Variants in SUN3 observed in about 807,000 individuals in gnomAD.
SUN3 encodes the protein Sad1 and UNC84 domain containing 3.
A neutral mutation model predicts 48.2 loss-of-function variants in SUN3; 36 were observed. That is an observed-to-expected ratio of 0.75 (90% CI 0.57 to 0.99). The LOEUF is 0.99. SUN3 is among the 50% of genes least tolerant of loss of function. The pLI is 0.00. For synonymous variants in SUN3, 148 were observed against 147.9 expected (o/e 1.00, Z 0.00); for missense variants, 419 against 433.1 (o/e 0.97, Z 0.29).
Position 48,017,277 on chromosome 7 carries a change from C to A in SUN3, c.273G>T (p.Arg91Ser). ...AAAATATCACCTGATATTTATAAAG[C>A]CTTGAACCATATTCTGCAATTATGG... ...LYAIIAEYGS[R>S]LYKYQARLRM... Residue 91 changes from arginine (R) to serine (S), a missense_variant, in exon 3 of 10, where the codon AGG becomes AGT. Coordinates refer to ENST00000297325, the MANE Select transcript of SUN3 (RefSeq NM_001030019.2). 3.1e-6 allele frequency: 5 copies of A among 1,588,502 alleles called. No homozygotes were observed. Among genetic ancestry groups the A allele is most frequent in the African/African-American group, 2.7e-5 (2 of 74,330 alleles).
At chr7:47,988,203 A>G (rs1324373247) in intron 9 of SUN3, among the ~76,000 whole-genome samples, 3 of 152,176 alleles carry the variant, frequency 2.0e-5, no homozygotes, top group Non-Finnish European at 4.4e-5. Flanking sequence ...AAGTGTCATA[A>G]AACACTTGTT....
intron 8 of SUN3, among the ~76,000 whole-genome samples, chr7:47,990,558 CTT>C (rs1332021535): frequency 7.2e-6 from 1 of 138,316 alleles, no homozygotes; most frequent in African/African-American, 3.5e-5. Flanking sequence ...TACTTTGTCT[CTT>C]TGTCTCTTTC....
upstream of SUN3, among the ~76,000 whole-genome samples, chr7:48,031,706 C>G (rs1254637866): frequency 6.6e-6 from 1 of 151,984 alleles, no homozygotes; most frequent in Non-Finnish European, 1.5e-5. Context: ...GTATATATAT[C>G]CAAAGGAAAT....
chr7:48,025,819 C>G, intron 2 of SUN3, 58 bp downstream of exon 2: 1 of 1,206,722 alleles, frequency 8.3e-7, no homozygotes. Flanking sequence ...AGATCTCTCT[C>G]ACCAGGCAGA....
chr7:48,034,091 C>T (rs117541546), upstream of SUN3, among the ~76,000 whole-genome samples: 6 of 152,274 alleles, frequency 3.9e-5, no homozygotes, highest in Non-Finnish European at 7.4e-5. Context: ...CTTGACCATA[C>T]AATCCCGTAG....
At chr7:47,999,447 C>A (rs1387568296) in intron 6 of SUN3, among the ~76,000 whole-genome samples, 1 of 152,084 alleles carries the variant, frequency 6.6e-6, no homozygotes, top group Admixed American at 6.5e-5. Context: ...TTCCCCTATC[C>A]TCTGCCTTTC....
At chr7:48,027,183 A>G (rs1016362821) in intron 1 of SUN3, among the ~76,000 whole-genome samples, 7 of 152,198 alleles carry the variant, frequency 4.6e-5, no homozygotes, top group African/African-American at 1.7e-4. Flanking sequence ...TGGTTCATTC[A>G]TTCTTATAAC....
intron 2 of SUN3, among the ~76,000 whole-genome samples, chr7:48,019,716 T>A (rs769053563): frequency 6.6e-6 from 1 of 151,810 alleles, no homozygotes; most frequent in African/African-American, 2.4e-5. Flanking sequence ...ACATACAACC[T>A]ACCAAGACTG....
chr7:48,034,195 T>C, the SUN3 span, among the ~76,000 whole-genome samples: 1 of 152,364 alleles, frequency 6.6e-6, no homozygotes, highest in African/African-American at 2.4e-5. Context: ...ACATTTGACA[T>C]TGCAGTATGA....
chr7:48,007,210 G>T lies in SUN3; in HGVS notation c.447C>A (p.Asn149Lys), dbSNP rs940317870. Residue 149 changes from asparagine to lysine, a missense_variant, in exon 5 of 10, where the codon AAC becomes AAA. Physicochemically the swap from Asn to Lys is moderately conservative, Grantham distance 94. Transcript: ENST00000297325. ...CCACAGGGTCTCCATGGGTGTTCCA[G>T]TTGTGATTATTGTCCATACCATCCT... ...DMKDGMDNNHNWNTHGDPVED... is the reference protein window; with the variant it reads ...DMKDGMDNNHKWNTHGDPVED... 1 of 1,614,082 alleles carries T rather than the reference G, an allele frequency of 6.2e-7. No homozygotes were observed. Among genetic ancestry groups the T allele is most frequent in the East Asian group, 2.2e-5 (1 of 44,870 alleles).
Position 48,006,044 on chromosome 7 carries a change from T to C in SUN3, c.502A>G (p.Asn168Asp). Residue 168 changes from asparagine to aspartate, a missense_variant, in exon 6 of 10, where the codon AAC becomes GAC. Asn to Asp is a conservative substitution (Grantham distance 23, BLOSUM62 1). Coordinates refer to ENST00000297325, the MANE Select transcript of SUN3 (RefSeq NM_001030019.2). ...TTTTTAAGTACATAATTGACCAAGT[T>C]TGACACTTCCTGTAGAAATTTTATA... ...EDPDHTEEVS[N>D]LVNYVLKKLR... is the part of the protein sequence containing the mutation. 6.2e-7 allele frequency: 1 copy of C among 1,603,502 alleles called. No homozygotes were observed. Among genetic ancestry groups the C allele is most frequent in the African/African-American group, 1.3e-5 (1 of 74,618 alleles).
At chr7:47,989,814 T>C (rs1789000889) in intron 8 of SUN3, among the ~76,000 whole-genome samples, 1 of 152,182 alleles carries the variant, frequency 6.6e-6, no homozygotes, top group Non-Finnish European at 1.5e-5. Flanking sequence ...ACCCCAACCC[T>C]GTGCTGGCTG....
At chr7:48,022,666 C>T (rs1482467651) in intron 2 of SUN3, among the ~76,000 whole-genome samples, 1 of 151,994 alleles carries the variant, frequency 6.6e-6, no homozygotes, top group Non-Finnish European at 1.5e-5. Flanking sequence ...ATCCAAGAAA[C>T]TCAACAAACT....
In SUN3 at chr7:48,007,205, T is replaced by C. The variant is rs1192206809; in HGVS notation, c.452A>G (p.Asn151Ser). The C allele has an allele frequency of 1.2e-6, 2 of 1,613,484 alleles. No homozygotes were observed. The highest frequency in any genetic ancestry group is 2.7e-5 in the African/African-American group (2 of 74,834). ...GTCCTCCACAGGGTCTCCATGGGTG[T>C]TCCAGTTGTGATTATTGTCCATACC... ...KDGMDNNHNW[N>S]THGDPVEDPD... The change falls in exon 5 of 10, where the codon AAC becomes AGC. Residue 151 changes from asparagine to serine, a missense_variant. Transcript: ENST00000297325.
chr7:48,027,190 T>C (rs1313034852), intron 1 of SUN3, among the ~76,000 whole-genome samples: 2 of 152,236 alleles, frequency 1.3e-5, no homozygotes, highest in Non-Finnish European at 2.9e-5. Flanking sequence ...TTCATTCTTA[T>C]AACTGTGTAG....
rs1344917581 is a variant in SUN3 at position 48,010,440 on chromosome 7, C to T, written c.289-1365G>A. ...CATCCTTTCTTTACATCTGGAACTC[C>T]CCTACCCTGACATGTTTTACTCAAG... is the stretch of plus-strand genomic sequence containing the variant. On this transcript the variant is annotated intron_variant, in intron 3 of 9. Coordinates refer to ENST00000297325, the MANE Select transcript of SUN3 (RefSeq NM_001030019.2). Among the ~76,000 whole-genome samples, 5 of 152,142 alleles carry T rather than the reference C, an allele frequency of 3.3e-5. No homozygotes were observed. The East Asian group carries it at 9.6e-4, about 29-fold the overall frequency.
Position 47,994,321 on chromosome 7 carries a change from A to C in SUN3, c.855T>G (p.Ser285=). Residue 285 remains serine (S), a synonymous_variant, in exon 8 of 10, where the codon TCT becomes TCG. Coordinates refer to ENST00000297325, the MANE Select transcript of SUN3 (RefSeq NM_001030019.2). ...GNISSAPKEF[S]VYGITKKCEG... is the part of the protein sequence containing the mutation. ...AATTTAGATAGCTTCTTACATAGAC[A>C]GAAAATTCCTTGGGTGCACTGGAGA... 1 of 1,613,240 alleles carries C rather than the reference A, an allele frequency of 6.2e-7. No individual in the cohort carries two copies. Among genetic ancestry groups the C allele is most frequent in the South Asian group, 1.1e-5 (1 of 90,828 alleles).
Position 48,006,174 on chromosome 7 carries a change from A to G in SUN3, c.493-121T>C, listed in dbSNP as rs1789520373. On this transcript the variant is annotated intron_variant, in intron 5 of 9. Coordinates refer to ENST00000297325, the MANE Select transcript of SUN3 (RefSeq NM_001030019.2). ...ATTAGAATAGCAGTGAGCCCCTATC[A>G]GCTGCACTCTGAGCCAGGCCCTGTT... The G allele has an allele frequency of 5.2e-5, 34 of 654,926 alleles. 1 individual carries two copies. The South Asian group carries it at 6.3e-4, about 12-fold the overall frequency. 40.6% of individuals were successfully genotyped at this position (654,926 alleles called of 1,614,324 possible). A position where few individuals can be genotyped will look rare whatever the true frequency, so the allele number is the denominator to read the frequency against.
intron 2 of SUN3, 91 bp downstream of exon 2, chr7:48,025,786 T>C: frequency 2.4e-6 from 2 of 835,078 alleles, no homozygotes; most frequent in Non-Finnish European, 3.8e-6. Context: ...GGCATTTATT[T>C]ACAAATATGA....
Sources: gnomAD v4.1 joint callset for allele counts (sites outside exome capture counted in the v4.1 genomes callset) on GRCh38, gnomAD v4.1.1 for gene constraint, MANE v1.5 for transcripts, NCBI Gene and HGNC (gene_info 2026-07-23, HGNC 2026-07-21) for gene names.